The following KIF6 variants were observed in gnomAD, a reference collection of about 807,000 sequenced individuals.
KIF6 encodes kinesin family member 6, also known as kinesin-like protein KIF6.
KIF6 carries 106 observed loss-of-function variants against 112.7 expected under a neutral mutation model. The ratio of observed to expected loss-of-function variants is 0.94; its 90% CI spans 0.80 to 1.11. The LOEUF (loss-of-function observed/expected upper bound fraction) is 1.11. Among genes scored for constraint, KIF6 ranks in the 50% least tolerant of loss-of-function variants. KIF6 has a pLI of 0.00. For synonymous variants in KIF6, 339 were observed against 339.9 expected, an observed-to-expected ratio of 1.00 and a Z score of 0.03; for missense variants, 929 against 964.0, an observed-to-expected ratio of 0.96 and a Z score of 0.48.
intron 15 of KIF6, among the ~76,000 whole-genome samples, chr6:39,400,481 T>C (rs1768613432): frequency 6.6e-6 from 1 of 152,230 alleles, no homozygotes; most frequent in Non-Finnish European, 1.5e-5. Context: ...CCAGGCCTTG[T>C]GGGCTCCAAA....
At chr6:39,500,560 T>C (rs1366452470) in intron 13 of KIF6, among the ~76,000 whole-genome samples, 1 of 152,116 alleles carries the variant, frequency 6.6e-6, no homozygotes, top group East Asian at 2.0e-4. Flanking sequence ...TGCTACTTAC[T>C]AATGTTACAA....
chr6:39,348,156 A>G (rs1363808027), intron 19 of KIF6, among the ~76,000 whole-genome samples: 1 of 152,244 alleles, frequency 6.6e-6, no homozygotes, highest in Non-Finnish European at 1.5e-5. Context: ...ACAACGGGTC[A>G]AGGTCAGTTT....
At chr6:39,665,452 C>T (rs1429822748) in intron 3 of KIF6, among the ~76,000 whole-genome samples, 1 of 151,966 alleles carries the variant, frequency 6.6e-6, no homozygotes. Context: ...AAAGTCTCAA[C>T]ACAATTTATA....
chr6:39,397,761 C>T (rs891879569), intron 15 of KIF6, among the ~76,000 whole-genome samples: 7 of 152,072 alleles, frequency 4.6e-5, no homozygotes, highest in African/African-American at 9.7e-5. Context: ...ACACATGGCC[C>T]GAGAACTACA....
intron 14 of KIF6, among the ~76,000 whole-genome samples, chr6:39,422,494 A>G (rs988262184): frequency 5.9e-5 from 9 of 152,190 alleles, no homozygotes; most frequent in African/African-American, 2.2e-4. Context: ...TCTTCATGAG[A>G]CCATTTTCCC....
At chr6:39,559,860 CAACT>C (rs1017854587) in intron 10 of KIF6, among the ~76,000 whole-genome samples, 36 of 150,796 alleles carry the variant, frequency 2.4e-4, no homozygotes, top group African/African-American at 7.1e-4. Context: ...CAGCAAATAT[CAACT>C]AACTAACTGT....
At chr6:39,376,624 G>A (rs541079204) in intron 16 of KIF6, among the ~76,000 whole-genome samples, 1 of 152,320 alleles carries the variant, frequency 6.6e-6, no homozygotes, top group South Asian at 2.1e-4. Context: ...ACTGTGCTTG[G>A]TGTTGGGGAA....
At chr6:39,435,851 T>C (rs1771490883) in intron 13 of KIF6, among the ~76,000 whole-genome samples, 1 of 152,218 alleles carries the variant, frequency 6.6e-6, no homozygotes. Context: ...TTTTATATAA[T>C]GACTTGTTTT....
At chr6:39,646,178 G>C (rs955032035) in intron 3 of KIF6, among the ~76,000 whole-genome samples, 1 of 97,318 alleles carries the variant, frequency 1.0e-5, no homozygotes, top group Non-Finnish European at 1.8e-5. Flanking sequence ...GCCTCAGAGA[G>C]GTAAAAAAAA....
chr6:39,436,539 T>C (rs1378537182), intron 13 of KIF6, among the ~76,000 whole-genome samples: 1 of 152,168 alleles, frequency 6.6e-6, no homozygotes, highest in Non-Finnish European at 1.5e-5. Context: ...GAGTTAATCT[T>C]TGTATATGGT....
Position 39,609,456 on chromosome 6 carries a change from C to T in KIF6, c.639+3733G>A, listed in dbSNP as rs117589301. Among the ~76,000 whole-genome samples the T allele has an allele frequency of 9.9e-5, 15 of 151,342 alleles. No individual in the cohort carries two copies. In the East Asian group the frequency reaches 2.5e-3, roughly 25 times the overall value. On this transcript the variant is annotated intron_variant, in intron 6 of 22. Coordinates refer to ENST00000287152, the MANE Select transcript of KIF6 (RefSeq NM_145027.6). The stretch of plus-strand genomic sequence containing the variant: ...ATATAAGAAATTATATGCTAGACCA[C>T]TCGGACACAGTATTCACTTCCTACA...
At chr6:39,540,565 A>G (rs1778730577) in intron 12 of KIF6, among the ~76,000 whole-genome samples, 1 of 152,268 alleles carries the variant, frequency 6.6e-6, no homozygotes, top group African/African-American at 2.4e-5. Flanking sequence ...CCCAGATAAA[A>G]GATGAATTTA....
chr6:39,586,252 C>A lies in KIF6; in HGVS notation c.990+9G>T. 2.5e-6 allele frequency: 4 copies of A among 1,613,942 alleles called. No homozygotes were observed. The highest frequency in any genetic ancestry group is 1.1e-5 in the South Asian group (1 of 91,070). Reference sequence around the variant, plus strand: ...AGATTAAGATCTCCAGAAAGAAGAGCCCACATACATCAAGATTCCTTTTCT... The same window carrying A: ...AGATTAAGATCTCCAGAAAGAAGAGACCACATACATCAAGATTCCTTTTCT... On this transcript the variant is annotated intron_variant, in intron 8 of 22. Coordinates refer to ENST00000287152, the MANE Select transcript of KIF6 (RefSeq NM_145027.6).
chr6:39,638,608 G>A (rs1784747691), intron 4 of KIF6, among the ~76,000 whole-genome samples: 1 of 152,040 alleles, frequency 6.6e-6, no homozygotes, highest in Non-Finnish European at 1.5e-5. Flanking sequence ...TTTATGGATG[G>A]CAATTAGAAT....
At chr6:39,397,885 G>C (rs967686544) in intron 15 of KIF6, among the ~76,000 whole-genome samples, 1 of 152,132 alleles carries the variant, frequency 6.6e-6, no homozygotes, top group Non-Finnish European at 1.5e-5. Flanking sequence ...ACAATTCCAA[G>C]GGCTAATATC....
At chr6:39,581,456 C>T (rs190004492) in intron 9 of KIF6, among the ~76,000 whole-genome samples, 59 of 151,980 alleles carry the variant, frequency 3.9e-4, no homozygotes, top group African/African-American at 9.4e-4. Context: ...GCGCCCGGCC[C>T]GCTTTACTCA....
chr6:39,594,172 TTA>T (rs762165059), intron 7 of KIF6, among the ~76,000 whole-genome samples: 5 of 152,004 alleles, frequency 3.3e-5, no homozygotes, highest in Non-Finnish European at 5.9e-5. Context: ...AGGAATAGTT[TTA>T]GTGACACATA....
intron 19 of KIF6, among the ~76,000 whole-genome samples, chr6:39,352,003 AG>A (rs1379438954): frequency 1.3e-5 from 2 of 152,230 alleles, no homozygotes; most frequent in Non-Finnish European, 2.9e-5. Context: ...GCAGGTGCCC[AG>A]GTGAATGCAT....
intron 3 of KIF6, among the ~76,000 whole-genome samples, chr6:39,673,123 A>G (rs1038888990): frequency 6.6e-6 from 1 of 152,202 alleles, no homozygotes; most frequent in South Asian, 2.1e-4. Context: ...GGTGTCCGCC[A>G]CCACCAGCAG....
Sources: gnomAD v4.1 joint callset for allele counts (sites outside exome capture counted in the v4.1 genomes callset) on GRCh38, gnomAD v4.1.1 for gene constraint, MANE v1.5 for transcripts, NCBI Gene and HGNC (gene_info 2026-07-23, HGNC 2026-07-21) for gene names.